Variants in PDE3A observed in about 807,000 individuals in gnomAD.
PDE3A encodes phosphodiesterase 3A, also known as cGMP-inhibited 3',5'-cyclic phosphodiesterase 3A.
Under a neutral mutation model 98.3 loss-of-function variants are expected in PDE3A, and 43 were observed. The observed-to-expected ratio is 0.44, with a 90% confidence interval of 0.34 to 0.56. The LOEUF (loss-of-function observed/expected upper bound fraction) is 0.56. Among genes scored for constraint, PDE3A ranks in the 20% least tolerant of loss-of-function variants. The pLI, the probability that PDE3A is intolerant of heterozygous loss-of-function variation, is 0.01. For synonymous variants in PDE3A, 663 were observed against 567.9 expected (o/e 1.17, Z -2.38); for missense variants, 1,427 against 1,440.7 (o/e 0.99, Z 0.15).
Position 20,369,195 on chromosome 12 carries a change from GTGT to G in PDE3A, c.-89_-87del. ...AATTGGGAAGAGCGTGCGTGCGTGT[GTGT>G]GTGTGTGTGTGTGCGCGCGCGCGCG... On this transcript the variant is annotated 5_prime_UTR_variant, in exon 1 of 16. Coordinates refer to ENST00000359062, the MANE Select transcript of PDE3A (RefSeq NM_000921.5). 2 of 630,428 alleles carry G rather than the reference GTGT, an allele frequency of 3.2e-6. No individual in the cohort carries two copies. The highest frequency in any genetic ancestry group is 4.3e-5 in the African/African-American group (1 of 23,062). The allele number at this position is 630,428 out of a possible 1,614,324, so 39.1% of individuals were successfully genotyped here. A position where few individuals can be genotyped will look rare whatever the true frequency, so the allele number is the denominator to read the frequency against.
chr12:20,421,505 C>T (rs1223157317), intron 1 of PDE3A, among the ~76,000 whole-genome samples: 1 of 151,252 alleles, frequency 6.6e-6, no homozygotes, highest in Admixed American at 6.6e-5. Context: ...ATTATGTTGC[C>T]ATCTATCTTA....
chr12:20,531,308 T>C (rs1302270205), intron 1 of PDE3A, among the ~76,000 whole-genome samples: 2 of 152,190 alleles, frequency 1.3e-5, no homozygotes, highest in Non-Finnish European at 2.9e-5. Flanking sequence ...ATCCCTTTAT[T>C]CCATCATTAC....
intron 2 of PDE3A, among the ~76,000 whole-genome samples, chr12:20,581,761 C>T (rs922915997): frequency 6.6e-6 from 1 of 151,562 alleles, no homozygotes; most frequent in African/African-American, 2.4e-5. Flanking sequence ...TACAGGCGCC[C>T]GCCACTACGC....
chr12:20,533,569 C>T (rs1450462105), intron 1 of PDE3A, among the ~76,000 whole-genome samples: 1 of 151,528 alleles, frequency 6.6e-6, no homozygotes, highest in Non-Finnish European at 1.5e-5. Context: ...GCAAGCTCCG[C>T]CTCCCGGGTT....
At chr12:20,387,607 C>G (rs1943835722) in intron 1 of PDE3A, among the ~76,000 whole-genome samples, 1 of 151,918 alleles carries the variant, frequency 6.6e-6, no homozygotes. Flanking sequence ...AGAGGAAATA[C>G]TTCTATTTTG....
At chr12:20,583,340 G>A (rs1478877093) in intron 2 of PDE3A, among the ~76,000 whole-genome samples, 2 of 152,060 alleles carry the variant, frequency 1.3e-5, no homozygotes, top group East Asian at 1.9e-4. Flanking sequence ...TTTGGAATTA[G>A]GAGGTCATGA....
At chr12:20,533,600 G>T (rs1941670444) in intron 1 of PDE3A, among the ~76,000 whole-genome samples, 1 of 150,990 alleles carries the variant, frequency 6.6e-6, no homozygotes, top group African/African-American at 2.4e-5. Flanking sequence ...TCCTGCCTCA[G>T]CCTCCCGAGT....
intron 1 of PDE3A, among the ~76,000 whole-genome samples, chr12:20,482,135 T>C (rs1050491195): frequency 3.9e-5 from 6 of 152,124 alleles, no homozygotes; most frequent in Non-Finnish European, 7.4e-5. Context: ...AGATTATTTC[T>C]CCCTGTTGTT....
At chr12:20,640,535 A>T (rs1944623206) in intron 10 of PDE3A, among the ~76,000 whole-genome samples, 1 of 152,076 alleles carries the variant, frequency 6.6e-6, no homozygotes, top group Admixed American at 6.6e-5. Flanking sequence ...TTATGGAAAA[A>T]TGATAAGAAA....
intron 1 of PDE3A, among the ~76,000 whole-genome samples, chr12:20,447,198 T>A (rs1392596498): frequency 6.6e-6 from 1 of 152,066 alleles, no homozygotes; most frequent in Non-Finnish European, 1.5e-5. Flanking sequence ...GGCTTGGAGG[T>A]GACAGTGAAG....
chr12:20,466,541 C>T (rs1299308697), intron 1 of PDE3A, among the ~76,000 whole-genome samples: 9 of 152,042 alleles, frequency 5.9e-5, no homozygotes, highest in Admixed American at 6.6e-5. Flanking sequence ...AATGTGAATG[C>T]TTTTTAAAAT....
chr12:20,623,357 A>G (rs2121487302), intron 5 of PDE3A, among the ~76,000 whole-genome samples: 1 of 152,296 alleles, frequency 6.6e-6, no homozygotes, highest in South Asian at 2.1e-4. Flanking sequence ...GTGAAACTAC[A>G]CAACACCAAA....
chr12:20,612,058 T>C (rs191112273), intron 2 of PDE3A, among the ~76,000 whole-genome samples: 9 of 152,082 alleles, frequency 5.9e-5, no homozygotes, highest in African/African-American at 2.2e-4. Flanking sequence ...TATATACATT[T>C]AAGCTACTAA....
At chr12:20,669,283 T>A (rs1033534823) in intron 15 of PDE3A, among the ~76,000 whole-genome samples, 64 of 152,204 alleles carry the variant, frequency 4.2e-4, no homozygotes, top group African/African-American at 1.5e-3. Flanking sequence ...CTGCAGGATA[T>A]TATCCAGGAG....
chr12:20,507,356 T>C (rs1946138388), intron 1 of PDE3A, among the ~76,000 whole-genome samples: 1 of 152,070 alleles, frequency 6.6e-6, no homozygotes, highest in East Asian at 1.9e-4. Flanking sequence ...GAAGTTTTTA[T>C]AAGGAAGTTA....
intron 1 of PDE3A, among the ~76,000 whole-genome samples, chr12:20,381,420 A>G (rs561378584): frequency 1.3e-4 from 19 of 151,992 alleles, no homozygotes; most frequent in African/African-American, 4.3e-4. Context: ...AAAATATTTT[A>G]TGGTCTTTTG....
At chr12:20,415,950 T>A (rs10770652) in intron 1 of PDE3A, among the ~76,000 whole-genome samples, 7,128 of 152,286 alleles carry the variant, frequency 0.047, 514 homozygotes, top group African/African-American at 0.15. Flanking sequence ...AATTTCTATG[T>A]GTTTCCATTT....
At chr12:20,509,181 G>A (rs73233912) in intron 1 of PDE3A, among the ~76,000 whole-genome samples, 1 of 151,996 alleles carries the variant, frequency 6.6e-6, no homozygotes, top group African/African-American at 2.4e-5. Context: ...ATATTAATCT[G>A]CTTCTATCCA....
Position 20,680,128 on chromosome 12 carries a change from C to T in PDE3A, c.3283C>T (p.Arg1095Trp), listed in dbSNP as rs368805519. ...MWKKVIEEEQ[R>W]LAGIENQSLD... Reference sequence around the variant, plus strand: ...GAAGAAAGTCATTGAAGAGGAGCAACGGTTGGCAGGCATAGAAAATCAATC... The same window carrying T: ...GAAGAAAGTCATTGAAGAGGAGCAATGGTTGGCAGGCATAGAAAATCAATC... The change falls in exon 16 of 16, where the codon CGG (arginine) becomes TGG (tryptophan). Residue 1095 changes from arginine (R) to tryptophan (W), a missense_variant. Coordinates refer to ENST00000359062, the MANE Select transcript of PDE3A (RefSeq NM_000921.5). 150 of 1,613,534 alleles carry T rather than the reference C, an allele frequency of 9.3e-5. No homozygotes were observed. The East Asian group carries it at 9.6e-4, about 10-fold the overall frequency.
Sources: allele counts gnomAD v4.1 joint callset (sites outside exome capture counted in the v4.1 genomes callset), GRCh38; gene constraint gnomAD v4.1.1; transcripts MANE v1.5; gene names NCBI Gene and HGNC (gene_info 2026-07-23, HGNC 2026-07-21).